The following MAPK8IP3 variants were observed in gnomAD, a reference collection of about 807,000 sequenced individuals.
The protein encoded by MAPK8IP3 is C-Jun-amino-terminal kinase-interacting protein 3.
MAPK8IP3 carries 49 observed loss-of-function variants against 157.8 expected under a neutral mutation model. That is an observed-to-expected ratio of 0.31 (90% CI 0.25 to 0.39). The LOEUF is 0.39. MAPK8IP3 is among the 10% of genes least tolerant of loss of function. The pLI is 1.00. For synonymous variants in MAPK8IP3, 897 were observed against 777.7 expected (o/e 1.15, Z -2.55); for missense variants, 1,478 against 1,889.4 (o/e 0.78, Z 4.04).
chr16:1,727,076 T>C (rs2038929619), intron 2 of MAPK8IP3, among the ~76,000 whole-genome samples: 1 of 151,000 alleles, frequency 6.6e-6, no homozygotes, highest in Admixed American at 6.6e-5. Context: ...GTGTGCTGTG[T>C]GTGGCGTCTG....
chr16:1,767,653 C>A lies in MAPK8IP3; in HGVS notation c.3327C>A (p.Asp1109Glu), dbSNP rs777726573. The stretch of plus-strand genomic sequence containing the variant: ...GCGTATGGGTGTCCATCCGCCTGGA[C>A]TCCACCCTGAGGCTCTACCATGCAC... ...GDGVWVSIRL[D>E]STLRLYHAHT... is the part of the protein sequence containing the mutation. Residue 1109 changes from aspartate to glutamate, a missense_variant, in exon 27 of 32, where the codon GAC becomes GAA. By Grantham distance (45) the Asp-to-Glu change is conservative. This residue lies in a region of MAPK8IP3 where 68 missense variants were observed against 125.1 expected (regional missense o/e 0.54). Transcript: ENST00000610761. 1 of 1,612,746 alleles carries A rather than the reference C, an allele frequency of 6.2e-7. No homozygotes were observed. The highest frequency in any genetic ancestry group is 8.5e-7 in the Non-Finnish European group (1 of 1,179,968).
At position 1,737,341 on chromosome 16, in the gene MAPK8IP3, C is replaced by CGT. The variant is rs200069473; in HGVS notation, c.603-5989_603-5988dup. On this transcript the variant is annotated intron_variant, in intron 4 of 31. Coordinates refer to ENST00000610761, the MANE Select transcript of MAPK8IP3 (RefSeq NM_001318852.2). ...CCGTCCGTGTGAGCATCCGTGTGAG[C>CGT]GTGACCGTCCGTGAGTGTGTGACCG... Among the ~76,000 whole-genome samples the CGT allele has an allele frequency of 6.0e-3, 399 of 66,488 alleles. 33 individuals carry two copies. The highest frequency in any genetic ancestry group is 0.027 in the African/African-American group (378 of 14,110). The allele number at this position is 66,488 out of a possible 152,430, so 43.6% of individuals were successfully genotyped here.
At chr16:1,758,929 C>T (rs752463184) in intron 9 of MAPK8IP3, 49 bp from the exon 10 acceptor site, 29 of 1,607,626 alleles carry the variant, frequency 1.8e-5, no homozygotes, top group Middle Eastern at 1.6e-4. Flanking sequence ...TTCTCCCTCT[C>T]CTCCCGCCCT....
At chr16:1,733,591 G>A (rs1466053021) in intron 4 of MAPK8IP3, among the ~76,000 whole-genome samples, 3 of 152,228 alleles carry the variant, frequency 2.0e-5, no homozygotes, top group African/African-American at 7.2e-5. Context: ...TGTCCCCGCG[G>A]GACCCAGGGA....
rs2040674310 is a variant in MAPK8IP3 at position 1,741,450 on chromosome 16, A to G, written c.603-1882A>G. Among the ~76,000 whole-genome samples, 1 of 152,092 alleles carries G rather than the reference A, an allele frequency of 6.6e-6. No homozygotes were observed. Among genetic ancestry groups the G allele is most frequent in the Admixed American group, 6.5e-5 (1 of 15,280 alleles). ...GTGTGGGTGGGAGAGCCGTACATGC[A>G]TTCCCTTGGCCTCCTGGGAGACCAG... On this transcript the variant is annotated intron_variant, in intron 4 of 31. Transcript: ENST00000610761. The surrounding 1 kb of genome is among the most constrained non-coding windows in gnomAD (Gnocchi z 6.9).
At chr16:1,766,174 C>CA in intron 21 of MAPK8IP3, 32 bp downstream of exon 21, 1 of 1,602,256 alleles carries the variant, frequency 6.2e-7, no homozygotes, top group South Asian at 1.1e-5. Flanking sequence ...CCCATCCCCT[C>CA]ATTCCCACGT....
At chr16:1,753,692 C>T (rs1031192786) in intron 8 of MAPK8IP3, among the ~76,000 whole-genome samples, 10 of 151,054 alleles carry the variant, frequency 6.6e-5, no homozygotes, top group Non-Finnish European at 1.2e-4. Flanking sequence ...CCGCCCACCT[C>T]GGCCTCCCAA....
Position 1,769,907 on chromosome 16 carries a change from A to C in MAPK8IP3, c.*1083A>C, listed in dbSNP as rs1484034663. ...GATGGAGCCGCCCCCAGCCGACTCC[A>C]AGCCCGCAGAGGGCAGACGCCACCC... On this transcript the variant is annotated 3_prime_UTR_variant, in exon 32 of 32. Transcript: ENST00000610761. The C allele has an allele frequency of 6.6e-6, 1 of 152,260 alleles. No individual in the cohort carries two copies. The highest frequency in any genetic ancestry group is 1.5e-5 in the Non-Finnish European group (1 of 68,114). The allele number at this position is 152,260 out of a possible 1,614,324, so 9.4% of individuals were successfully genotyped here. A position where few individuals can be genotyped will look rare whatever the true frequency, so the allele number is the denominator to read the frequency against.
At chr16:1,766,855 G>A in intron 24 of MAPK8IP3, 49 bp from the exon 25 acceptor site, 1 of 1,611,568 alleles carries the variant, frequency 6.2e-7, no homozygotes, top group Non-Finnish European at 8.5e-7. Flanking sequence ...GGGGCGGAGG[G>A]GGCTGGCACA....
chr16:1,713,409 A>G (rs2037924686), intron 1 of MAPK8IP3: 1 of 152,200 alleles, frequency 6.6e-6, no homozygotes, highest in African/African-American at 2.4e-5. Flanking sequence ...TAATGTAAAC[A>G]TGTGGCCAGG....
intron 2 of MAPK8IP3, among the ~76,000 whole-genome samples, chr16:1,726,936 G>C (rs1852131834): frequency 6.6e-6 from 1 of 152,244 alleles, no homozygotes; most frequent in Admixed American, 6.5e-5. Flanking sequence ...CATGTGTGCA[G>C]CGTGCAGTGT....
intron 9 of MAPK8IP3, among the ~76,000 whole-genome samples, chr16:1,758,671 C>G (rs561578059): frequency 6.6e-6 from 1 of 152,234 alleles, no homozygotes; most frequent in East Asian, 1.9e-4. Context: ...CACAGGGGTG[C>G]CTTCTGCCCT....
chr16:1,716,264 G>C (rs2038142107), intron 1 of MAPK8IP3, among the ~76,000 whole-genome samples: 1 of 151,126 alleles, frequency 6.6e-6, no homozygotes, highest in South Asian at 2.1e-4. Context: ...GAAAAAACTG[G>C]CTTGGATTAC....
At chr16:1,719,668 CAA>C (rs58680997) in intron 1 of MAPK8IP3, among the ~76,000 whole-genome samples, 6 of 51,094 alleles carry the variant, frequency 1.2e-4, no homozygotes, top group African/African-American at 1.8e-4. Flanking sequence ...CCCATCTCTA[CAA>C]AAAAAAAAAA....
chr16:1,767,051 AGG>A, intron 25 of MAPK8IP3, 80 bp downstream of exon 25: 1 of 1,574,562 alleles, frequency 6.4e-7, no homozygotes, highest in Non-Finnish European at 8.6e-7. Flanking sequence ...CCGGGGTTCC[AGG>A]CCTCTCCTTA....
At position 1,769,246 on chromosome 16, in the gene MAPK8IP3, T is replaced by C. The variant is rs541329500; in HGVS notation, c.*422T>C. 9.8e-6 allele frequency: 2 copies of C among 203,362 alleles called. No individual in the cohort carries two copies. Among genetic ancestry groups the C allele is most frequent in the South Asian group, 1.5e-4 (2 of 13,410 alleles). The allele number at this position is 203,362 out of a possible 1,614,324, so 12.6% of individuals were successfully genotyped here. On this transcript the variant is annotated 3_prime_UTR_variant, in exon 32 of 32. Transcript: ENST00000610761. Reference sequence around the variant, plus strand: ...TGGGCCCACCTCTGCATGCTGCTCATGGGGCCACCCTGCCTCCTGGGCCCT... The same window carrying C: ...TGGGCCCACCTCTGCATGCTGCTCACGGGGCCACCCTGCCTCCTGGGCCCT...
Position 1,706,582 on chromosome 16 carries a change from G to A in MAPK8IP3, c.243G>A (p.Glu81=). The A allele has an allele frequency of 6.2e-7, 1 of 1,610,456 alleles. No homozygotes were observed. Among genetic ancestry groups the A allele is most frequent in the African/African-American group, 1.3e-5 (1 of 74,956 alleles). Residue 81 remains glutamate (E), a synonymous_variant, in exon 1 of 32, where the codon GAG becomes GAA. Coordinates refer to ENST00000610761, the MANE Select transcript of MAPK8IP3 (RefSeq NM_001318852.2). This position sits in a 1 kb window ranked among gnomAD's most constrained non-coding sequence, Gnocchi z 5.1. ...ACCAGGAGCACGAGGTGGAGCTGGA[G>A]CTGCTGCGCGAGGACAACGAGCAGC... is the stretch of plus-strand genomic sequence containing the variant. ...SENQEHEVEL[E]LLREDNEQLL... is the part of the protein sequence containing the mutation.
chr16:1,738,258 GCGTGTGAC>G (rs2040217457), intron 4 of MAPK8IP3, among the ~76,000 whole-genome samples: 2 of 95,476 alleles, frequency 2.1e-5, no homozygotes, highest in Admixed American at 1.1e-4. Flanking sequence ...ATCCGTGTGA[GCGTGTGAC>G]CGTCCGTGTG....
intron 1 of MAPK8IP3, chr16:1,714,270 G>T (rs922515048): frequency 6.7e-6 from 1 of 148,322 alleles, no homozygotes; most frequent in Non-Finnish European, 1.5e-5. Flanking sequence ...CGTTGGCAGG[G>T]TGTTGGGCCA....
Sources: gnomAD v4.1 joint callset for allele counts (sites outside exome capture counted in the v4.1 genomes callset) on GRCh38, gnomAD v4.1.1 for gene constraint, gnomAD v4.1.1 regional missense constraint, Gnocchi (gnomAD v3.1) non-coding constraint, MANE v1.5 for transcripts, NCBI Gene and HGNC (gene_info 2026-07-23, HGNC 2026-07-21) for gene names.